NUP62CL: variants seen among roughly 807,000 people sequenced by gnomAD.
The protein encoded by NUP62CL is nucleoporin-62 C-terminal-like protein.
In NUP62CL, 13 loss-of-function variants were observed where a neutral mutation model predicts 15.3. That is an observed-to-expected ratio of 0.85 (90% CI 0.55 to 1.35). The LOEUF (loss-of-function observed/expected upper bound fraction) is 1.35, where lower values mean the gene tolerates loss of function less well. Among genes scored for constraint, NUP62CL ranks in the 40% most tolerant of loss-of-function variants. The pLI, the probability that NUP62CL is intolerant of heterozygous loss-of-function variation, is 0.00. For missense variants in NUP62CL, 123 were observed against 130.6 expected (o/e 0.94, Z 0.28); for synonymous variants, 54 against 49.2 (o/e 1.10, Z -0.41).
intron 2 of NUP62CL, among the ~76,000 whole-genome samples, chrX:107,176,568 T>G (rs1229020656): frequency 2.8e-5 from 3 of 108,741 alleles, no homozygotes; most frequent in African/African-American, 1.0e-4. Flanking sequence ...GTTTTTTTTT[T>G]TGTCGGGGGG....
chrX:107,183,556 GGT>G (rs1262180735), intron 2 of NUP62CL, among the ~76,000 whole-genome samples: 5 of 111,925 alleles, frequency 4.5e-5, no homozygotes, highest in Non-Finnish European at 9.4e-5. Flanking sequence ...ACAATATGGT[GGT>G]GAGTTCCCTA....
At chrX:107,177,615 A>G (rs963016600) in intron 2 of NUP62CL, among the ~76,000 whole-genome samples, 1 of 111,778 alleles carries the variant, frequency 8.9e-6, no homozygotes, top group South Asian at 3.8e-4. Flanking sequence ...TGGCCAACAA[A>G]GCACATGAAA....
At chrX:107,193,365 G>A (rs1199171308) in intron 1 of NUP62CL, among the ~76,000 whole-genome samples, 1 of 111,916 alleles carries the variant, frequency 8.9e-6, no homozygotes, top group East Asian at 2.8e-4. Context: ...CTTAATAGCT[G>A]GAAATACAAT....
At chrX:107,126,849 C>T (rs754406464) in intron 8 of NUP62CL, among the ~76,000 whole-genome samples, 5 of 111,799 alleles carry the variant, frequency 4.5e-5, no homozygotes, top group African/African-American at 6.5e-5. Context: ...GCCTGGCCAA[C>T]CTTGTGAAAC....
At chrX:107,164,593 G>C (rs2015105979) in intron 4 of NUP62CL, among the ~76,000 whole-genome samples, 1 of 111,573 alleles carries the variant, frequency 9.0e-6, no homozygotes, top group African/African-American at 3.3e-5. Context: ...ATAAAAGAAA[G>C]ACACAAACCA....
intron 2 of NUP62CL, among the ~76,000 whole-genome samples, chrX:107,180,393 C>A (rs186224665): frequency 9.0e-4 from 100 of 111,438 alleles, no homozygotes; most frequent in African/African-American, 3.2e-3. Flanking sequence ...TGTAAACAAC[C>A]CAAATGGCCA....
intron 7 of NUP62CL, among the ~76,000 whole-genome samples, chrX:107,148,333 C>A (rs975921834): frequency 2.7e-5 from 3 of 111,289 alleles, no homozygotes; most frequent in African/African-American, 9.7e-5. Context: ...TTTCCGTTAT[C>A]CAGAGGAGAT....
At chrX:107,171,457 G>A (rs893458842) in intron 3 of NUP62CL, among the ~76,000 whole-genome samples, 9 of 111,772 alleles carry the variant, frequency 8.1e-5, no homozygotes, top group African/African-American at 2.9e-4. Flanking sequence ...GTTTCACATG[G>A]CTGGGGAGGC....
intron 8 of NUP62CL, among the ~76,000 whole-genome samples, chrX:107,126,576 C>T (rs896881811): frequency 1.8e-5 from 2 of 111,562 alleles, no homozygotes; most frequent in Non-Finnish European, 3.8e-5. Context: ...TATAAGGTAC[C>T]AAGGCAATTC....
chrX:107,155,082 G>C (rs756244490), intron 4 of NUP62CL, among the ~76,000 whole-genome samples: 38 of 111,542 alleles, frequency 3.4e-4, no homozygotes, highest in African/African-American at 1.1e-3. Flanking sequence ...AGGGCTTGTA[G>C]GGATCCCACT....
intron 2 of NUP62CL, among the ~76,000 whole-genome samples, chrX:107,180,599 T>TATAC: frequency 8.9e-6 from 1 of 111,797 alleles, no homozygotes. Flanking sequence ...AGGTACAGAA[T>TATAC]AGTGTCTAGA....
rs746505025 is a variant in NUP62CL at position 107,152,099 on chromosome X, GAT to G, written c.530+1071_530+1072del. On this transcript the variant is annotated intron_variant, in intron 7 of 8. Coordinates refer to ENST00000372466, the MANE Select transcript of NUP62CL (RefSeq NM_017681.3). ...ATTCAGATATATATATATATATTCA[GAT>G]ATATATATATATTCAGATATATATA... is the stretch of plus-strand genomic sequence containing the variant. Among the ~76,000 whole-genome samples, 148 of 38,812 alleles carry G rather than the reference GAT, an allele frequency of 3.8e-3. 6 individuals are homozygous for G. Among genetic ancestry groups the G allele is most frequent in the African/African-American group, 6.4e-3 (40 of 6,272 alleles). 33.7% of individuals were successfully genotyped at this position (38,812 alleles called of 115,157 possible).
Position 107,182,510 on chromosome X carries a change from G to A in NUP62CL, c.-47-7317C>T, listed in dbSNP as rs1374605008. On this transcript the variant is annotated intron_variant, in intron 2 of 8. Transcript: ENST00000372466. ...AAAATGCCAACTATCTTAATAAATA[G>A]TAGGACATAGAAAATAGCAGTTTTT... is the stretch of plus-strand genomic sequence containing the variant. 6.3e-5 allele frequency among the ~76,000 whole-genome samples: 7 copies of A among 111,793 alleles called. No individual in the cohort carries two copies. In the Admixed American group the frequency reaches 6.7e-4, roughly 11 times the overall value.
At chrX:107,138,905 T>A (rs1296106137) in intron 8 of NUP62CL, among the ~76,000 whole-genome samples, 3 of 112,101 alleles carry the variant, frequency 2.7e-5, no homozygotes, top group African/African-American at 9.7e-5. Flanking sequence ...AGCCCAGATG[T>A]CCTGCAACAG....
intron 8 of NUP62CL, among the ~76,000 whole-genome samples, chrX:107,141,780 C>T (rs1036778318): frequency 1.8e-5 from 2 of 111,000 alleles, no homozygotes; most frequent in Non-Finnish European, 3.8e-5. Flanking sequence ...TATTTTTAGG[C>T]CGAGTGTGGT....
rs376529651 is a variant in NUP62CL at position 107,153,514 on chromosome X, A to T, written c.346-11T>A. The T allele has an allele frequency of 4.9e-6, 5 of 1,022,044 alleles. No homozygotes were observed. Among genetic ancestry groups the T allele is most frequent in the Non-Finnish European group, 6.7e-6 (5 of 749,905 alleles). 84.2% of individuals were successfully genotyped at this position (1,022,044 alleles called of 1,213,427 possible). On this transcript the variant is annotated splice_polypyrimidine_tract_variant and intron_variant, in intron 5 of 8. Transcript: ENST00000372466. ...ATGTAAAATACGAATCTATAAAGAG[A>T]AATATGAATACAACAATATAAGTAT...
chrX:107,125,272 TATAATAATACATATAAC>T (rs1925360741), intron 8 of NUP62CL, among the ~76,000 whole-genome samples: 1 of 111,977 alleles, frequency 8.9e-6, no homozygotes. Context: ...GAATACAGTA[TATAATAATACATATAAC>T]ATGCAAAATA....
intron 8 of NUP62CL, among the ~76,000 whole-genome samples, chrX:107,141,583 A>T (rs1925767142): frequency 8.9e-6 from 1 of 111,921 alleles, no homozygotes; most frequent in Non-Finnish European, 1.9e-5. Context: ...AATGCCACCA[A>T]GATTTCCCAA....
At chrX:107,161,952 G>A (rs1234765556) in intron 4 of NUP62CL, among the ~76,000 whole-genome samples, 2 of 105,361 alleles carry the variant, frequency 1.9e-5, no homozygotes, top group Non-Finnish European at 3.9e-5. Flanking sequence ...ATTTTAAAGC[G>A]ACCATCAAAA....
Sources: gnomAD v4.1 joint callset for allele counts (sites outside exome capture counted in the v4.1 genomes callset) on GRCh38, gnomAD v4.1.1 for gene constraint, MANE v1.5 for transcripts, NCBI Gene and HGNC (gene_info 2026-07-23, HGNC 2026-07-21) for gene names.